OTUB1: variants seen among roughly 807,000 people sequenced by gnomAD.
OTUB1 encodes the protein OTU deubiquitinase, ubiquitin aldehyde binding 1.
OTUB1 carries 10 observed loss-of-function variants against 35.8 expected under a neutral mutation model. The observed-to-expected ratio is 0.28, with a 90% CI of 0.17 to 0.47. OTUB1 has a LOEUF of 0.47. Among genes scored for constraint, OTUB1 ranks in the 20% least tolerant of loss-of-function variants. The pLI is 0.99. For missense variants in OTUB1, 264 were observed against 351.6 expected (o/e 0.75, Z 1.99); for synonymous variants, 158 against 143.8 (o/e 1.10, Z -0.71).
intron 2 of OTUB1, 28 bp from the exon 3 acceptor site, chr11:63,988,625 AG>A: frequency 1.3e-6 from 2 of 1,532,248 alleles, no homozygotes; most frequent in Non-Finnish European, 1.8e-6. Context: ...TCTCCCTGCT[AG>A]GACATGACAG....
chr11:63,987,097 T>G (rs1942628701), intron 1 of OTUB1: 1 of 152,474 alleles, frequency 6.6e-6, no homozygotes, highest in Non-Finnish European at 1.5e-5. Context: ...ATTGTTAGTC[T>G]CCTTAGGAGA....
At chr11:63,990,356 C>A (rs901725219) in intron 3 of OTUB1, 1 of 152,182 alleles carries the variant, frequency 6.6e-6, no homozygotes, top group Non-Finnish European at 1.5e-5. Flanking sequence ...AATCCTAGCA[C>A]TTTGGGAGGC....
chr11:63,994,630 G>A (rs1263079393), intron 3 of OTUB1, among the ~76,000 whole-genome samples: 2 of 152,254 alleles, frequency 1.3e-5, no homozygotes, highest in Non-Finnish European at 2.9e-5. Flanking sequence ...GACCCTCAGA[G>A]CTTAGAGAGA....
At chr11:63,990,562 G>A (rs866390276) in intron 3 of OTUB1, 99 of 149,970 alleles carry the variant, frequency 6.6e-4, no homozygotes, top group African/African-American at 2.4e-3. Flanking sequence ...ACTCCAGCCT[G>A]GGTGACAGTG....
intron 1 of OTUB1, among the ~76,000 whole-genome samples, chr11:63,987,623 C>T (rs1942633079): frequency 6.6e-6 from 1 of 152,218 alleles, no homozygotes; most frequent in Non-Finnish European, 1.5e-5. Context: ...CTGGGTTTGA[C>T]CGCAGGTCTT....
chr11:63,988,275 A>G, intron 1 of OTUB1, 62 bp from the exon 2 acceptor site: 1 of 1,402,970 alleles, frequency 7.1e-7, no homozygotes, highest in Non-Finnish European at 9.9e-7. Flanking sequence ...TCCCTGGCCC[A>G]GCTGCCTGCA....
At chr11:63,987,920 G>A (rs1265479991) in intron 1 of OTUB1, among the ~76,000 whole-genome samples, 3 of 152,076 alleles carry the variant, frequency 2.0e-5, no homozygotes, top group Non-Finnish European at 4.4e-5. Context: ...GGGATACCAC[G>A]GTGCACCTCT....
In OTUB1 at chr11:63,997,948, A is replaced by C. The variant is rs1013379614; in HGVS notation, c.*402A>C. On this transcript the variant is annotated 3_prime_UTR_variant, in exon 7 of 7. Coordinates refer to ENST00000538426, the MANE Select transcript of OTUB1 (RefSeq NM_017670.3). ...TCCTTAGGGACTTGCCCAGGGTCCC[A>C]GGGCCACCCACACTTCATCTGCTCC... 6.7e-6 allele frequency: 4 copies of C among 594,300 alleles called. No homozygotes were observed. The African/African-American group carries it at 7.5e-5, about 11-fold the overall frequency. 36.8% of individuals were successfully genotyped at this position (594,300 alleles called of 1,614,324 possible).
chr11:63,996,753 G>A (rs148900988), intron 4 of OTUB1, 104 bp from the exon 5 acceptor site: 4 of 1,610,018 alleles, frequency 2.5e-6, no homozygotes, highest in Middle Eastern at 1.7e-4. Context: ...CCCGGGCGAT[G>A]GGCTGGACTC....
chr11:63,993,661 CAAAA>C (rs71039699), intron 3 of OTUB1, among the ~76,000 whole-genome samples: 1 of 106,864 alleles, frequency 9.4e-6, no homozygotes, highest in African/African-American at 3.7e-5. Context: ...GAGACTGTCT[CAAAA>C]AAAAAAAAAA....
chr11:63,997,458 C>A lies in OTUB1; in HGVS notation c.728C>A (p.Thr243Asn). Reference sequence around the variant, plus strand: ...TACATGGACCGCGGCGAGGGCGGCACCACCAATCCGCACATCTTCCCTGAG... The same window carrying A: ...TACATGGACCGCGGCGAGGGCGGCAACACCAATCCGCACATCTTCCCTGAG... Reference protein sequence around the residue: ...VEYMDRGEGGTTNPHIFPEGS... With the variant: ...VEYMDRGEGGNTNPHIFPEGS... Residue 243 changes from threonine to asparagine, a missense_variant, in exon 7 of 7, where the codon ACC (threonine) becomes AAC (asparagine). Transcript: ENST00000538426. The A allele has an allele frequency of 6.2e-7, 1 of 1,614,120 alleles. No homozygotes were observed. The highest frequency in any genetic ancestry group is 8.5e-7 in the Non-Finnish European group (1 of 1,180,012).
chr11:63,989,096 G>A (rs1023950760), intron 3 of OTUB1: 76 of 201,474 alleles, frequency 3.8e-4, no homozygotes, highest in African/African-American at 1.7e-3. Flanking sequence ...GAGGTGGGTG[G>A]ATCCCCTGAG....
intron 3 of OTUB1, 119 bp from the exon 4 acceptor site, chr11:63,996,411 G>C (rs1359612391): frequency 2.8e-6 from 3 of 1,059,606 alleles, no homozygotes; most frequent in Non-Finnish European, 4.2e-6. Context: ...CAGGGTGGCA[G>C]GTGGCTGCTG....
chr11:63,995,666 A>T (rs1942710276), intron 3 of OTUB1, among the ~76,000 whole-genome samples: 1 of 151,852 alleles, frequency 6.6e-6, no homozygotes, highest in Admixed American at 6.6e-5. Context: ...GGGGTGGGCT[A>T]GTGTGGAGTG....
chr11:63,996,646 G>A lies in OTUB1; in HGVS notation c.336G>A (p.Gln112=), dbSNP rs774550076. Residue 112 remains glutamine (Q), a splice_region_variant and synonymous_variant, in exon 4 of 7, where the codon CAG becomes CAA. Transcript: ENST00000538426. Reference sequence around the variant, plus strand: ...TGCTGGATGACAGCAAGGAGTTGCAGCGGTGAGAAGGGTGGGCACTGGGCA... The same window carrying A: ...TGCTGGATGACAGCAAGGAGTTGCAACGGTGAGAAGGGTGGGCACTGGGCA... ...EALLDDSKEL[Q]RFKAVSAKSK... is the part of the protein sequence containing the mutation. The A allele has an allele frequency of 5.6e-6, 9 of 1,614,236 alleles. No individual in the cohort carries two copies. The highest frequency in any genetic ancestry group is 3.3e-5 in the Admixed American group (2 of 60,020).
rs997364635 is a variant in OTUB1, at chr11:63,997,563, C to A, written c.*17C>A. On this transcript the variant is annotated 3_prime_UTR_variant, in exon 7 of 7. Transcript: ENST00000538426. ...TACAAATAGGGCTGGCTCCAGCCCG[C>A]TGCTGCCCTGCTGCCCCCCTCTGCC... is the stretch of plus-strand genomic sequence containing the variant. 7 of 1,595,184 alleles carry A rather than the reference C, an allele frequency of 4.4e-6. No homozygotes were observed. The African/African-American group carries it at 8.0e-5, about 18-fold the overall frequency.
At chr11:63,990,012 CT>C (rs570277566) in intron 3 of OTUB1, 2,753 of 107,386 alleles carry the variant, frequency 0.026, 89 homozygotes, top group African/African-American at 0.11. Flanking sequence ...GAGACTCCGT[CT>C]CAAAAAAAAA....
intron 3 of OTUB1, chr11:63,989,062 G>GT (rs1309245019): frequency 3.9e-6 from 1 of 256,210 alleles, no homozygotes; most frequent in Non-Finnish European, 7.5e-6. Flanking sequence ...GCTCACGCCT[G>GT]TAATCCCAGC....
At chr11:63,993,369 C>G (rs1942689318) in intron 3 of OTUB1, among the ~76,000 whole-genome samples, 1 of 151,980 alleles carries the variant, frequency 6.6e-6, no homozygotes, top group South Asian at 2.1e-4. Flanking sequence ...TATTTAAATC[C>G]TTGAGACTTT....
Sources: allele counts gnomAD v4.1 joint callset (sites outside exome capture counted in the v4.1 genomes callset), GRCh38; gene constraint gnomAD v4.1.1; transcripts MANE v1.5; gene names NCBI Gene and HGNC (gene_info 2026-07-23, HGNC 2026-07-21).